The following CDKAL1 variants were observed in gnomAD, a reference collection of about 807,000 sequenced individuals.
The protein encoded by CDKAL1 is threonylcarbamoyladenosine tRNA methylthiotransferase.
A neutral mutation model predicts 68.2 loss-of-function variants in CDKAL1; 32 were observed. That is an observed-to-expected ratio of 0.47 (90% CI 0.35 to 0.63). The LOEUF is 0.63. Among genes scored for constraint, CDKAL1 ranks in the 30% least tolerant of loss-of-function variants. The probability of loss-of-function intolerance (pLI) is 0.00; values close to 1 mark genes in which losing one functional copy is unlikely to be tolerated. For missense variants in CDKAL1, 606 were observed against 696.7 expected (o/e 0.87, Z 1.47); for synonymous variants, 234 against 244.3 (o/e 0.96, Z 0.39).
At chr6:21,142,151 A>T (rs1562066404) in intron 13 of CDKAL1, among the ~76,000 whole-genome samples, 1 of 152,088 alleles carries the variant, frequency 6.6e-6, no homozygotes. Flanking sequence ...TCCAAGTTAG[A>T]TGCCAAAGAA....
chr6:21,028,209 G>A (rs1769067894), intron 11 of CDKAL1, among the ~76,000 whole-genome samples: 1 of 152,006 alleles, frequency 6.6e-6, no homozygotes, highest in South Asian at 2.1e-4. Context: ...TCTAACTCTG[G>A]CTCACCTCCT....
At chr6:20,550,937 GC>G (rs149112495) in intron 4 of CDKAL1, among the ~76,000 whole-genome samples, 2,695 of 145,916 alleles carry the variant, frequency 0.018, 93 homozygotes, top group African/African-American at 0.064. Flanking sequence ...CGCGATCTTG[GC>G]CCACAGCAAG....
At chr6:20,998,579 C>G (rs1294016489) in intron 10 of CDKAL1, among the ~76,000 whole-genome samples, 1 of 151,448 alleles carries the variant, frequency 6.6e-6, no homozygotes, top group Non-Finnish European at 1.5e-5. Flanking sequence ...CCAGTGCACT[C>G]CAGCCTGGGT....
At chr6:21,203,843 TG>T (rs1040399551) in intron 15 of CDKAL1, among the ~76,000 whole-genome samples, 29 of 151,930 alleles carry the variant, frequency 1.9e-4, no homozygotes, top group African/African-American at 7.0e-4. Context: ...ATTACAGGCG[TG>T]CGCCACCACA....
chr6:20,887,718 GT>G (rs1761149754), intron 9 of CDKAL1, among the ~76,000 whole-genome samples: 1 of 98,276 alleles, frequency 1.0e-5, no homozygotes, highest in Admixed American at 9.8e-5. Flanking sequence ...CTTTAGAGTA[GT>G]TTGGGCTACA....
chr6:21,158,979 T>C (rs2151060328), intron 13 of CDKAL1, among the ~76,000 whole-genome samples: 1 of 152,316 alleles, frequency 6.6e-6, no homozygotes, highest in African/African-American at 2.4e-5. Flanking sequence ...GAAGTTTTGT[T>C]GTGACAAAAG....
At chr6:20,836,723 G>T (rs1374813754) in intron 8 of CDKAL1, among the ~76,000 whole-genome samples, 1 of 152,040 alleles carries the variant, frequency 6.6e-6, no homozygotes, top group Non-Finnish European at 1.5e-5. Context: ...TTTAATGGGG[G>T]TAGTTTTTAT....
At chr6:21,151,658 A>G (rs112973133) in intron 13 of CDKAL1, among the ~76,000 whole-genome samples, 34 of 152,338 alleles carry the variant, frequency 2.2e-4, no homozygotes, top group African/African-American at 7.5e-4. Context: ...TAAAGTTCTC[A>G]TTATGGAACA....
chr6:21,015,504 A>C (rs2150848898), intron 11 of CDKAL1, among the ~76,000 whole-genome samples: 1 of 152,232 alleles, frequency 6.6e-6, no homozygotes, highest in East Asian at 1.9e-4. Context: ...ACATTGGGAA[A>C]ATACATTATT....
At chr6:20,628,591 C>T (rs1767533807) in intron 4 of CDKAL1, among the ~76,000 whole-genome samples, 1 of 151,968 alleles carries the variant, frequency 6.6e-6, no homozygotes, top group South Asian at 2.1e-4. Context: ...AAAAAGCATA[C>T]TTTGTCAGTA....
chr6:20,833,346 C>T (rs1243743901), intron 8 of CDKAL1, among the ~76,000 whole-genome samples: 1 of 152,178 alleles, frequency 6.6e-6, no homozygotes, highest in African/African-American at 2.4e-5. Context: ...TGCTCCCTAA[C>T]ATTCATACAC....
intron 11 of CDKAL1, among the ~76,000 whole-genome samples, chr6:21,060,164 G>A (rs1469818493): frequency 2.0e-5 from 3 of 152,016 alleles, no homozygotes; most frequent in African/African-American, 4.8e-5. Flanking sequence ...ATATAGTCTT[G>A]GGTGGTTTTG....
chr6:21,083,787 T>A (rs1261938363), intron 12 of CDKAL1, among the ~76,000 whole-genome samples: 1 of 152,184 alleles, frequency 6.6e-6, no homozygotes, highest in Non-Finnish European at 1.5e-5. Flanking sequence ...TTATCTTTCA[T>A]GATATTGACA....
At chr6:20,872,965 A>G (rs1282597333) in intron 9 of CDKAL1, among the ~76,000 whole-genome samples, 2 of 152,224 alleles carry the variant, frequency 1.3e-5, no homozygotes, top group Non-Finnish European at 2.9e-5. Context: ...TAATGGAACT[A>G]GAGATCAAAA....
intron 11 of CDKAL1, among the ~76,000 whole-genome samples, chr6:21,038,935 C>A (rs1352605719): frequency 6.6e-6 from 1 of 152,116 alleles, no homozygotes; most frequent in Non-Finnish European, 1.5e-5. Context: ...CATTACCTAC[C>A]TAGGTGTGAA....
chr6:20,669,860 A>ATAGT (rs915582254), intron 5 of CDKAL1, among the ~76,000 whole-genome samples: 5 of 152,296 alleles, frequency 3.3e-5, no homozygotes, highest in Admixed American at 3.3e-4. Context: ...CATTGCTACT[A>ATAGT]GGATGTCATT....
chr6:20,688,016 CT>C (rs555285256), intron 5 of CDKAL1, among the ~76,000 whole-genome samples: 23 of 150,382 alleles, frequency 1.5e-4, no homozygotes, highest in African/African-American at 1.2e-4. Flanking sequence ...GTTGTTTTTT[CT>C]TTTTTTTTAT....
At chr6:21,093,864 G>C (rs1033461538) in intron 12 of CDKAL1, among the ~76,000 whole-genome samples, 1 of 149,840 alleles carries the variant, frequency 6.7e-6, no homozygotes, top group Non-Finnish European at 1.5e-5. Context: ...GAGTAGCTGG[G>C]TGTGACGGTA....
At chr6:20,581,098 T>C (rs932798015) in intron 4 of CDKAL1, among the ~76,000 whole-genome samples, 22 of 152,198 alleles carry the variant, frequency 1.4e-4, no homozygotes, top group African/African-American at 4.8e-4. Context: ...AACCTTAAAA[T>C]ACATTATTAA....
Sources: gnomAD v4.1 joint callset for allele counts (sites outside exome capture counted in the v4.1 genomes callset) on GRCh38, gnomAD v4.1.1 for gene constraint, MANE v1.5 for transcripts, NCBI Gene and HGNC (gene_info 2026-07-23, HGNC 2026-07-21) for gene names.